The following RUNX3 variants were observed in gnomAD, a reference collection of about 807,000 sequenced individuals.
RUNX3 encodes the protein runt-related transcription factor 3.
RUNX3 carries 10 observed loss-of-function variants against 27.7 expected under a neutral mutation model. The observed-to-expected ratio is 0.36, with a 90% CI of 0.22 to 0.61. The LOEUF (loss-of-function observed/expected upper bound fraction) is 0.61. Among genes scored for constraint, RUNX3 ranks in the 20% least tolerant of loss-of-function variants. The pLI, the probability that RUNX3 is intolerant of heterozygous loss-of-function variation, is 0.72. For synonymous variants in RUNX3, 270 were observed against 269.2 expected (o/e 1.00, Z -0.03); for missense variants, 469 against 629.5 (o/e 0.75, Z 2.73).
At chr1:24,914,992 G>A (rs995103124) in intron 3 of RUNX3, among the ~76,000 whole-genome samples, 10 of 152,118 alleles carry the variant, frequency 6.6e-5, no homozygotes, top group Admixed American at 3.3e-4. Flanking sequence ...CCTACTACCC[G>A]AAATGACATT....
Position 24,929,845 on chromosome 1 carries a change from G to T in RUNX3, c.24C>A (p.Ser8Arg). The T allele has an allele frequency of 2.2e-6, 3 of 1,392,850 alleles. No individual in the cohort carries two copies. The highest frequency in any genetic ancestry group is 2.8e-6 in the Non-Finnish European group (3 of 1,084,312). The allele number at this position is 1,392,850 out of a possible 1,614,324, so 86.3% of individuals were successfully genotyped here. MRIPVDP[S>R]TSRRFTPPSP... ...AGGGAGGTGTGAAGCGGCGGCTGGT[G>T]CTTGGGTCTACGGGAATACGCATAA... Residue 8 changes from serine (S) to arginine (R), a missense_variant, in exon 1 of 5, where the codon AGC becomes AGA. By Grantham distance (110) the Ser-to-Arg change is moderately radical (BLOSUM62 -1). Transcript: ENST00000308873.
At chr1:24,915,035 T>C (rs1640862664) in intron 3 of RUNX3, among the ~76,000 whole-genome samples, 1 of 152,210 alleles carries the variant, frequency 6.6e-6, no homozygotes, top group South Asian at 2.1e-4. Flanking sequence ...CAACGATTTA[T>C]GGAGCAGCTG....
In RUNX3 at chr1:24,962,564, A is replaced by G. The variant is rs1642143490; in HGVS notation, c.58+1950T>C. On this transcript the variant is annotated intron_variant, in intron 2 of 6. Coordinates refer to the RUNX3 transcript ENST00000338888. The surrounding 1 kb of genome is among the most constrained non-coding windows in gnomAD (Gnocchi z 4.5). ...GAGCACGTCGTGAGCAGAAATGAAC[A>G]GGAGAGAGAAGGCTGAAGAGGGGAG... 6.6e-6 allele frequency among the ~76,000 whole-genome samples: 1 copy of G among 152,228 alleles called. No homozygotes were observed. The highest frequency in any genetic ancestry group is 1.5e-5 in the Non-Finnish European group (1 of 68,036).
chr1:24,957,841 A>G lies in RUNX3; in HGVS notation c.58+6673T>C, dbSNP rs573106710. On this transcript the variant is annotated intron_variant, in intron 2 of 6. Coordinates refer to the RUNX3 transcript ENST00000338888. ...ACAGAGAGGTGAGGCACCTCTCCCA[A>G]CGCCACACAGCGAGGAAGTGGCAGA... 2.8e-4 allele frequency among the ~76,000 whole-genome samples: 43 copies of G among 152,322 alleles called. 1 individual carries two copies. In the South Asian group the frequency reaches 6.6e-3, roughly 24 times the overall value.
intron 3 of RUNX3, among the ~76,000 whole-genome samples, chr1:24,913,443 A>AC (rs1490580389): frequency 1.3e-5 from 2 of 152,116 alleles, no homozygotes; most frequent in African/African-American, 4.8e-5. Flanking sequence ...CAAAATGGGG[A>AC]TCACACCTCT....
intron 2 of RUNX3, among the ~76,000 whole-genome samples, chr1:24,947,449 G>C (rs775277160): frequency 7.9e-5 from 12 of 152,148 alleles, no homozygotes; most frequent in Non-Finnish European, 1.2e-4. Flanking sequence ...AGTGGGTGCA[G>C]ATACTCAGTG....
rs2124241927 is a variant in RUNX3 at position 24,904,066 on chromosome 1, G to A, written c.704-1400C>T. The stretch of plus-strand genomic sequence containing the variant: ...GGCCCTGCCAAGTTGAGGCCCTGGT[G>A]CAGGGCCTCCCTTCTACTCTGGCAG... On this transcript the variant is annotated intron_variant, in intron 4 of 4. Transcript: ENST00000308873. This position sits in a 1 kb window ranked among gnomAD's most constrained non-coding sequence, Gnocchi z 5.7. 6.6e-6 allele frequency among the ~76,000 whole-genome samples: 1 copy of A among 152,262 alleles called. No individual in the cohort carries two copies. Among genetic ancestry groups the A allele is most frequent in the Middle Eastern group, 3.4e-3 (1 of 294 alleles).
intron 3 of RUNX3, among the ~76,000 whole-genome samples, chr1:24,911,952 T>C (rs933261915): frequency 6.6e-6 from 1 of 152,204 alleles, no homozygotes; most frequent in Non-Finnish European, 1.5e-5. Flanking sequence ...TCCTTGTTAC[T>C]GTGGAACGCT....
At chr1:24,928,485 G>C (rs1343665319) in intron 1 of RUNX3, among the ~76,000 whole-genome samples, 2 of 152,150 alleles carry the variant, frequency 1.3e-5, no homozygotes, top group African/African-American at 2.4e-5. Flanking sequence ...TTTAAACAGA[G>C]TCACAACTAT....
In RUNX3 at chr1:24,957,519, G is replaced by A. The variant is rs915645519; in HGVS notation, c.58+6995C>T. On this transcript the variant is annotated intron_variant, in intron 2 of 6. Coordinates refer to the RUNX3 transcript ENST00000338888. ...GCAGCAATGGCAGAGCACCCCCACC[G>A]CCTGGAGGGGAGAAAGGGAAGGGCT... 6.6e-5 allele frequency among the ~76,000 whole-genome samples: 10 copies of A among 152,204 alleles called. No homozygotes were observed. In the South Asian group the frequency reaches 8.3e-4, roughly 13 times the overall value.
chr1:24,913,752 G>A (rs1640836730), intron 3 of RUNX3, among the ~76,000 whole-genome samples: 2 of 152,224 alleles, frequency 1.3e-5, no homozygotes, highest in South Asian at 4.1e-4. Context: ...TGTCCCCAGG[G>A]AATCCTTCCC....
intron 3 of RUNX3, among the ~76,000 whole-genome samples, chr1:24,909,100 T>C (rs1348994529): frequency 6.6e-6 from 1 of 152,028 alleles, no homozygotes; most frequent in Non-Finnish European, 1.5e-5. Context: ...GACTCAGAGG[T>C]GCTGGGAGGG....
chr1:24,938,115 C>A (rs1641390708), intron 2 of RUNX3, among the ~76,000 whole-genome samples: 1 of 152,206 alleles, frequency 6.6e-6, no homozygotes, highest in South Asian at 2.1e-4. Context: ...TTGCCATGTC[C>A]TATAACCAGG....
chr1:24,954,837 C>G (rs1297881870), intron 2 of RUNX3, among the ~76,000 whole-genome samples: 1 of 152,172 alleles, frequency 6.6e-6, no homozygotes, highest in Non-Finnish European at 1.5e-5. Context: ...CACACACGTA[C>G]CTACCCTCAA....
intron 2 of RUNX3, among the ~76,000 whole-genome samples, chr1:24,959,324 G>A (rs993242870): frequency 1.3e-5 from 2 of 152,108 alleles, no homozygotes; most frequent in African/African-American, 4.8e-5. Flanking sequence ...GCAGTGGGGG[G>A]CTCCTAGGAA....
intron 2 of RUNX3, among the ~76,000 whole-genome samples, chr1:24,958,789 G>C (rs1642018934): frequency 6.6e-6 from 1 of 152,212 alleles, no homozygotes; most frequent in African/African-American, 2.4e-5. Flanking sequence ...GGGCTCCCCA[G>C]TGGCTGCAGG....
Position 24,930,140 on chromosome 1 carries a change from C to T in RUNX3, c.-272G>A. On this transcript the variant is annotated 5_prime_UTR_variant, in exon 1 of 5. Coordinates refer to ENST00000308873, the MANE Select transcript of RUNX3 (RefSeq NM_004350.3). This position sits in a 1 kb window ranked among gnomAD's most constrained non-coding sequence, Gnocchi z 4.1. ...CCCCGCGTGCGGCCGCCCCTCGTGG[C>T]TGTCCCGGCTGCCTGGGCCGCGGCG... The T allele has an allele frequency of 1.0e-6, 1 of 978,490 alleles. No individual in the cohort carries two copies. The highest frequency in any genetic ancestry group is 5.2e-4 in the Middle Eastern group (1 of 1,910). 60.6% of individuals were successfully genotyped at this position (978,490 alleles called of 1,614,324 possible).
At chr1:24,930,484 A>G (rs1641202133), upstream of RUNX3, among the ~76,000 whole-genome samples, 1 of 151,968 alleles carries the variant, frequency 6.6e-6, no homozygotes, top group South Asian at 2.1e-4. The surrounding 1 kb of genome is among the most constrained non-coding windows in gnomAD (Gnocchi z 4.1). Flanking sequence ...GCCACAGCCC[A>G]GGGCCCCCGA....
intron 2 of RUNX3, among the ~76,000 whole-genome samples, chr1:24,920,798 A>C (rs1490454272): frequency 6.6e-6 from 1 of 152,152 alleles, no homozygotes; most frequent in Non-Finnish European, 1.5e-5. Context: ...GCAGTTTATG[A>C]AGATTTACTT....
Sources: gnomAD v4.1 joint callset for allele counts (sites outside exome capture counted in the v4.1 genomes callset) on GRCh38, gnomAD v4.1.1 for gene constraint, Gnocchi (gnomAD v3.1) non-coding constraint, MANE v1.5 for transcripts, NCBI Gene and HGNC (gene_info 2026-07-23, HGNC 2026-07-21) for gene names.